The following ASAP1 variants were observed in gnomAD, a reference collection of about 807,000 sequenced individuals.
ASAP1 encodes the protein ArfGAP with SH3 domain, ankyrin repeat and PH domain 1.
A neutral mutation model predicts 145.2 loss-of-function variants in ASAP1; 43 were observed. The observed-to-expected ratio is 0.30, with a 90% CI of 0.23 to 0.38. ASAP1 has a LOEUF of 0.38. Ranked by LOEUF, ASAP1 falls within the 10% of genes least tolerant of loss-of-function variation. The pLI is 1.00. For missense variants in ASAP1, 1,018 were observed against 1,355.3 expected (o/e 0.75, Z 3.91); for synonymous variants, 546 against 515.5 (o/e 1.06, Z -0.80).
intron 4 of ASAP1, among the ~76,000 whole-genome samples, chr8:130,223,636 A>G (rs2136522833): frequency 6.6e-6 from 1 of 152,018 alleles, no homozygotes; most frequent in South Asian, 2.1e-4. Flanking sequence ...TACCTACTTG[A>G]TGGGGTTATT....
chr8:130,214,929 C>T (rs1816804997), intron 4 of ASAP1, among the ~76,000 whole-genome samples: 1 of 151,850 alleles, frequency 6.6e-6, no homozygotes, highest in Non-Finnish European at 1.5e-5. Flanking sequence ...GAGACAGAGT[C>T]TCACTCTGTC....
intron 3 of ASAP1, among the ~76,000 whole-genome samples, chr8:130,345,022 C>A (rs1825622641): frequency 6.6e-6 from 1 of 152,180 alleles, no homozygotes; most frequent in South Asian, 2.1e-4. Context: ...GTTGGCAGAA[C>A]TGAACTCAAG....
intron 3 of ASAP1, among the ~76,000 whole-genome samples, chr8:130,327,874 T>C (rs1313527144): frequency 6.6e-6 from 1 of 152,202 alleles, no homozygotes; most frequent in African/African-American, 2.4e-5. Context: ...TTCAAATGGA[T>C]GAAGTATGCT....
At chr8:130,439,834 T>G (rs1340988879) in intron 1 of ASAP1, among the ~76,000 whole-genome samples, 5 of 152,222 alleles carry the variant, frequency 3.3e-5, no homozygotes, top group Non-Finnish European at 5.9e-5. Context: ...GGTAATAATG[T>G]CTCTAGCCTG....
At chr8:130,320,002 C>A (rs74860601) in intron 3 of ASAP1, among the ~76,000 whole-genome samples, 2,619 of 152,234 alleles carry the variant, frequency 0.017, 39 homozygotes, top group East Asian at 0.064. Context: ...TAACATATTC[C>A]TGTCTAGTTA....
At chr8:130,129,007 G>A (rs1416732299) in intron 15 of ASAP1, among the ~76,000 whole-genome samples, 2 of 152,180 alleles carry the variant, frequency 1.3e-5, no homozygotes, top group Non-Finnish European at 2.9e-5. Context: ...CCGTGTAGGA[G>A]GTGATTGGAT....
chr8:130,073,525 C>T (rs751857838), intron 27 of ASAP1, among the ~76,000 whole-genome samples: 3 of 152,096 alleles, frequency 2.0e-5, no homozygotes, highest in Non-Finnish European at 4.4e-5. Flanking sequence ...TGGTGCTCAA[C>T]ATGCTGAGGT....
rs1158071266 is a variant in ASAP1 at position 130,116,913 on chromosome 8, G to C, written c.1963C>G (p.Leu655Val). 1.9e-6 allele frequency: 3 copies of C among 1,613,908 alleles called. No individual in the cohort carries two copies. Among genetic ancestry groups the C allele is most frequent in the Non-Finnish European group, 2.5e-6 (3 of 1,179,954 alleles). Residue 655 changes from leucine (L) to valine (V), a missense_variant, in exon 21 of 30, where the codon CTT (leucine) becomes GTT (valine). Coordinates refer to ENST00000518721, the MANE Select transcript of ASAP1 (RefSeq NM_018482.4). The part of the protein sequence containing the change: ...SMYSKPECLK[L>V]LLRSKPTVDI... ...ACAGTGGGCTTGCTCCTGAGCAAAAGCTTCAAACACTCAGGTTTACTGTAC... is the reference window on the plus strand; with the variant it reads ...ACAGTGGGCTTGCTCCTGAGCAAAACCTTCAAACACTCAGGTTTACTGTAC...
At chr8:130,376,790 A>C (rs1827517652) in intron 2 of ASAP1, among the ~76,000 whole-genome samples, 1 of 151,066 alleles carries the variant, frequency 6.6e-6, no homozygotes. Flanking sequence ...GTAATCCCAC[A>C]TACTTGGGAG....
At position 130,373,033 on chromosome 8, in the gene ASAP1, CAT is replaced by C. The variant is rs1021317311; in HGVS notation, c.60-14892_60-14891del. 5.9e-5 allele frequency among the ~76,000 whole-genome samples: 9 copies of C among 151,366 alleles called. No homozygotes were observed. The South Asian group carries it at 1.1e-3, about 18-fold the overall frequency. ...ACACATACACACAGACACACACACA[CAT>C]ACACACATACAGACCCACACACAGA... On this transcript the variant is annotated intron_variant, in intron 2 of 29. Transcript: ENST00000518721.
intron 3 of ASAP1, among the ~76,000 whole-genome samples, chr8:130,256,780 TATC>T: frequency 7.6e-6 from 1 of 131,460 alleles, no homozygotes; most frequent in East Asian, 2.2e-4. Context: ...TATATATATA[TATC>T]CTTATATATA....
intron 1 of ASAP1, among the ~76,000 whole-genome samples, chr8:130,439,435 C>T (rs930120027): frequency 6.6e-6 from 1 of 152,082 alleles, no homozygotes. Context: ...TTATGCTTAC[C>T]CTAATGTAAT....
At chr8:130,313,389 G>A (rs541453550) in intron 3 of ASAP1, among the ~76,000 whole-genome samples, 1 of 151,738 alleles carries the variant, frequency 6.6e-6, no homozygotes, top group Non-Finnish European at 1.5e-5. Context: ...CGTATAAATT[G>A]AGTCCTCCTT....
intron 24 of ASAP1, among the ~76,000 whole-genome samples, chr8:130,099,012 C>CTTTTTT (rs61047760): frequency 4.3e-5 from 5 of 116,084 alleles, no homozygotes; most frequent in Non-Finnish European, 6.9e-5. Context: ...CTAATATAAG[C>CTTTTTT]TTTTTTTTTT....
At chr8:130,292,078 A>G (rs2137311022) in intron 3 of ASAP1, among the ~76,000 whole-genome samples, 1 of 152,260 alleles carries the variant, frequency 6.6e-6, no homozygotes, top group South Asian at 2.1e-4. Flanking sequence ...TTTGAGTTTT[A>G]TTTCCTACCC....
At chr8:130,415,370 A>G (rs1377209910) in intron 1 of ASAP1, among the ~76,000 whole-genome samples, 2 of 151,362 alleles carry the variant, frequency 1.3e-5, no homozygotes, top group African/African-American at 4.9e-5. Context: ...CTGGAGGCTG[A>G]AGCAGGAGGA....
intron 5 of ASAP1, among the ~76,000 whole-genome samples, chr8:130,194,406 A>T (rs565738234): frequency 2.6e-5 from 4 of 152,208 alleles, no homozygotes. Context: ...CCTTTCTTGG[A>T]GATCTCAAAG....
intron 3 of ASAP1, among the ~76,000 whole-genome samples, chr8:130,242,284 C>CA (rs1818583551): frequency 1.4e-5 from 1 of 70,134 alleles, no homozygotes; most frequent in Non-Finnish European, 3.0e-5. Flanking sequence ...AAAAAAAAAA[C>CA]AACTTTTTTT....
intron 2 of ASAP1, among the ~76,000 whole-genome samples, chr8:130,380,896 A>G (rs1307538445): frequency 1.3e-5 from 2 of 151,640 alleles, no homozygotes; most frequent in African/African-American, 4.8e-5. Flanking sequence ...TTATTTATTT[A>G]TTTATTGAGA....
Sources: gnomAD v4.1 joint callset for allele counts (sites outside exome capture counted in the v4.1 genomes callset) on GRCh38, gnomAD v4.1.1 for gene constraint, MANE v1.5 for transcripts, NCBI Gene and HGNC (gene_info 2026-07-23, HGNC 2026-07-21) for gene names.